MSI1: variants seen among roughly 807,000 people sequenced by gnomAD.
MSI1 encodes RNA-binding protein Musashi homolog 1.
In MSI1, 15 loss-of-function variants were observed where a neutral mutation model predicts 54.4. The observed-to-expected ratio is 0.28, with a 90% confidence interval of 0.18 to 0.42. The LOEUF (loss-of-function observed/expected upper bound fraction) is 0.42. Among genes scored for constraint, MSI1 ranks in the 20% least tolerant of loss-of-function variants. The pLI is 1.00. For synonymous variants in MSI1, 200 were observed against 196.5 expected (o/e 1.02, Z -0.15); for missense variants, 304 against 506.0 (o/e 0.60, Z 3.83).
downstream of MSI1, among the ~76,000 whole-genome samples, chr12:120,340,744 C>T (rs1230064993): frequency 2.0e-5 from 3 of 151,748 alleles, no homozygotes; most frequent in Non-Finnish European, 4.4e-5. Context: ...GAACCCCTGG[C>T]CTCAAGCACT....
intron 6 of MSI1, 27 bp from the exon 7 acceptor site, chr12:120,359,080 C>G: frequency 6.4e-7 from 1 of 1,552,194 alleles, no homozygotes; most frequent in Non-Finnish European, 8.7e-7. Flanking sequence ...CATGGAGGAC[C>G]CAGCAGATAC....
chr12:120,339,693 A>G (rs1415176633), downstream of MSI1, among the ~76,000 whole-genome samples: 1 of 151,954 alleles, frequency 6.6e-6, no homozygotes, highest in Non-Finnish European at 1.5e-5. Context: ...AAAGACCCCC[A>G]ACCTGTACTG....
intron 9 of MSI1, among the ~76,000 whole-genome samples, chr12:120,355,506 A>T (rs892400102): frequency 2.0e-5 from 3 of 152,204 alleles, no homozygotes; most frequent in Non-Finnish European, 4.4e-5. Flanking sequence ...TAATCTTAGG[A>T]AGCATCAAAG....
rs182758458 is a variant in MSI1, at chr12:120,358,795, C to T, written c.451+210G>A. On this transcript the variant is annotated intron_variant, in intron 7 of 14. Transcript: ENST00000257552. The stretch of plus-strand genomic sequence containing the variant: ...GTTGCAGGGACTGGGGGGGTGGGTA[C>T]TCCTCTGTTCGTCTCGTGTGTCTGC... Among the ~76,000 whole-genome samples the T allele has an allele frequency of 1.1e-4, 16 of 152,118 alleles. No individual in the cohort carries two copies. The East Asian group carries it at 2.5e-3, about 24-fold the overall frequency.
chr12:120,357,731 C>T lies in MSI1; in HGVS notation c.534+85G>A. On this transcript the variant is annotated intron_variant, in intron 8 of 14. Coordinates refer to ENST00000257552, the MANE Select transcript of MSI1 (RefSeq NM_002442.4). ...GTGTTGGCCAATCTGGTCTCAAACT[C>T]CTGACCTCATGTAATCTGCCCACCT... 5.2e-6 allele frequency: 7 copies of T among 1,341,236 alleles called. No homozygotes were observed. The South Asian group carries it at 8.5e-5, about 16-fold the overall frequency. 83.1% of individuals were successfully genotyped at this position (1,341,236 alleles called of 1,614,324 possible). A position where few individuals can be genotyped will look rare whatever the true frequency, so the allele number is the denominator to read the frequency against.
Position 120,368,471 on chromosome 12 carries a change from C to A in MSI1, c.101-198G>T, listed in dbSNP as rs1198363279. Among the ~76,000 whole-genome samples, 2 of 152,038 alleles carry A rather than the reference C, an allele frequency of 1.3e-5. No individual in the cohort carries two copies. Among genetic ancestry groups the A allele is most frequent in the African/African-American group, 4.8e-5 (2 of 41,430 alleles). On this transcript the variant is annotated intron_variant, in intron 2 of 14. Coordinates refer to ENST00000257552, the MANE Select transcript of MSI1 (RefSeq NM_002442.4). The surrounding 1 kb of genome is among the most constrained non-coding windows in gnomAD (Gnocchi z 6.6). ...TGGCGCCCACCGGGGCCCCGGGAAG[C>A]CGAGGGCCGAGCTGGGCTGGAAGGG...
intron 4 of MSI1, among the ~76,000 whole-genome samples, chr12:120,365,527 A>T (rs924720109): frequency 2.0e-5 from 3 of 152,202 alleles, no homozygotes; most frequent in Non-Finnish European, 2.9e-5. Context: ...CAGATGACCT[A>T]TCTAGGTAAG....
intron 9 of MSI1, among the ~76,000 whole-genome samples, chr12:120,356,459 C>T (rs537478426): frequency 3.3e-4 from 51 of 152,254 alleles, no homozygotes; most frequent in Non-Finnish European, 5.1e-4. Flanking sequence ...CACACTCCCT[C>T]GGCACCCTAC....
chr12:120,348,930 G>A (rs2136914311), intron 11 of MSI1, among the ~76,000 whole-genome samples: 1 of 151,914 alleles, frequency 6.6e-6, no homozygotes, highest in South Asian at 2.1e-4. Context: ...TAAAAGATAG[G>A]GTCTTGGTAT....
chr12:120,352,017 T>A (rs1200755503), intron 10 of MSI1, among the ~76,000 whole-genome samples: 14 of 125,480 alleles, frequency 1.1e-4, no homozygotes, highest in Non-Finnish European at 1.8e-4. Flanking sequence ...CCTTTTTATT[T>A]AAAAAAAAAA....
chr12:120,350,747 C>T (rs1565885774), intron 11 of MSI1, among the ~76,000 whole-genome samples: 1 of 152,232 alleles, frequency 6.6e-6, no homozygotes, highest in African/African-American at 2.4e-5. Context: ...CACCTTCACC[C>T]CACTTGTCCA....
chr12:120,345,426 T>G, intron 14 of MSI1, 144 bp downstream of exon 14: 2 of 679,912 alleles, frequency 2.9e-6, no homozygotes, highest in Non-Finnish European at 5.0e-6. Flanking sequence ...TTTTCATCTT[T>G]ATTGACCACA....
chr12:120,355,861 C>T (rs1467701013), intron 9 of MSI1, among the ~76,000 whole-genome samples: 3 of 148,024 alleles, frequency 2.0e-5, no homozygotes, highest in East Asian at 1.9e-4. Flanking sequence ...TAGCCCATGC[C>T]GTGCCCCCTC....
chr12:120,364,086 C>T (rs2136983508), intron 5 of MSI1, among the ~76,000 whole-genome samples: 1 of 152,334 alleles, frequency 6.6e-6, no homozygotes, highest in African/African-American at 2.4e-5. Flanking sequence ...GACTCTTAGG[C>T]CCCTGCCCTG....
chr12:120,340,562 T>G (rs1187178601), downstream of MSI1, among the ~76,000 whole-genome samples: 1 of 152,176 alleles, frequency 6.6e-6, no homozygotes, highest in Non-Finnish European at 1.5e-5. Context: ...TCCTCCAGGC[T>G]GGAATGCAGT....
Position 120,342,827 on chromosome 12 carries a change from T to C in MSI1, c.*300A>G, listed in dbSNP as rs1389577395. On this transcript the variant is annotated 3_prime_UTR_variant, in exon 15 of 15. Coordinates refer to ENST00000257552, the MANE Select transcript of MSI1 (RefSeq NM_002442.4). Reference sequence around the variant, plus strand: ...GGGGGGCGCGGCACGGAGGGAGGGATGGACCAGAGGGCTGGGGTGGGCAAC... The same window carrying C: ...GGGGGGCGCGGCACGGAGGGAGGGACGGACCAGAGGGCTGGGGTGGGCAAC... 1 of 111,322 alleles carries C rather than the reference T, an allele frequency of 9.0e-6. No homozygotes were observed. The highest frequency in any genetic ancestry group is 3.5e-5 in the African/African-American group (1 of 28,610). The allele number at this position is 111,322 out of a possible 1,614,324, so 6.9% of individuals were successfully genotyped here.
At chr12:120,359,101 C>T in intron 6 of MSI1, 48 bp from the exon 7 acceptor site, 6 of 1,550,644 alleles carry the variant, frequency 3.9e-6, no homozygotes, top group Non-Finnish European at 5.2e-6. Context: ...CAGCGGAACC[C>T]ACTACCACCA....
chr12:120,349,996 C>A (rs566355425), intron 11 of MSI1, among the ~76,000 whole-genome samples: 1 of 152,342 alleles, frequency 6.6e-6, no homozygotes, highest in South Asian at 2.1e-4. Flanking sequence ...CTTATCCCCG[C>A]TCTGTCCCCA....
chr12:120,367,282 C>G (rs529486567), intron 4 of MSI1, among the ~76,000 whole-genome samples: 1 of 152,260 alleles, frequency 6.6e-6, no homozygotes, highest in Admixed American at 6.5e-5. Flanking sequence ...GGAGTAACCC[C>G]CTCCTCTGAC....
Sources: allele counts gnomAD v4.1 joint callset (sites outside exome capture counted in the v4.1 genomes callset), GRCh38; gene constraint gnomAD v4.1.1; non-coding constraint Gnocchi (gnomAD v3.1); transcripts MANE v1.5; gene names NCBI Gene and HGNC (gene_info 2026-07-23, HGNC 2026-07-21).